SLC9A9: variants seen among roughly 807,000 people sequenced by gnomAD.
SLC9A9 encodes the protein solute carrier family 9 member A9.
In SLC9A9, 62 loss-of-function variants were observed where a neutral mutation model predicts 77.8. That is an observed-to-expected ratio of 0.80 (90% CI 0.65 to 0.98). The LOEUF is 0.98. Ranked by LOEUF, SLC9A9 falls within the 50% of genes least tolerant of loss-of-function variation. The probability of loss-of-function intolerance (pLI) is 0.00; values close to 1 mark genes in which losing one functional copy is unlikely to be tolerated. For missense variants in SLC9A9, 775 were observed against 774.9 expected (o/e 1.00, Z 0.00); for synonymous variants, 320 against 283.5 (o/e 1.13, Z -1.29).
chr3:143,276,461 T>G (rs1938051169), intron 14 of SLC9A9, among the ~76,000 whole-genome samples: 1 of 152,224 alleles, frequency 6.6e-6, no homozygotes, highest in Admixed American at 6.5e-5. Context: ...TGTTTCTATG[T>G]AGGGATTTGG....
At chr3:143,690,667 G>A (rs745736738) in intron 5 of SLC9A9, among the ~76,000 whole-genome samples, 20 of 152,090 alleles carry the variant, frequency 1.3e-4, no homozygotes, top group Non-Finnish European at 2.5e-4. Context: ...AGAATGAAAC[G>A]TATCATCTAT....
chr3:143,640,266 C>A (rs2038599833), intron 6 of SLC9A9, among the ~76,000 whole-genome samples: 1 of 152,066 alleles, frequency 6.6e-6, no homozygotes, highest in African/African-American at 2.4e-5. Context: ...TGTGATCCAC[C>A]CGCCTTGGCT....
chr3:143,781,889 G>A (rs575844879), intron 4 of SLC9A9, among the ~76,000 whole-genome samples: 1 of 152,266 alleles, frequency 6.6e-6, no homozygotes, highest in Admixed American at 6.5e-5. Flanking sequence ...ATAAAGCATC[G>A]CAGAGCTGTA....
intron 14 of SLC9A9, among the ~76,000 whole-genome samples, chr3:143,345,088 T>C (rs1335527700): frequency 6.6e-6 from 1 of 152,182 alleles, no homozygotes; most frequent in Non-Finnish European, 1.5e-5. Context: ...GGAAGATAAC[T>C]CCTGAGTTTG....
At chr3:143,374,218 G>A (rs1046031253) in intron 13 of SLC9A9, among the ~76,000 whole-genome samples, 3 of 152,036 alleles carry the variant, frequency 2.0e-5, no homozygotes, top group Non-Finnish European at 2.9e-5. Context: ...GAGGTCAGGA[G>A]ATCGAGACCA....
chr3:143,701,594 A>G (rs532682943), intron 4 of SLC9A9, among the ~76,000 whole-genome samples: 1 of 152,280 alleles, frequency 6.6e-6, no homozygotes, highest in South Asian at 2.1e-4. Flanking sequence ...AAGACAGGAT[A>G]TTTGAAAATA....
chr3:143,693,180 T>C lies in SLC9A9; in HGVS notation c.649+12A>G, dbSNP rs758251418. The C allele has an allele frequency of 2.5e-6, 4 of 1,583,954 alleles. No homozygotes were observed. Among genetic ancestry groups the C allele is most frequent in the Admixed American group, 3.3e-5 (2 of 59,790 alleles). On this transcript the variant is annotated intron_variant, in intron 5 of 15. Transcript: ENST00000316549. The stretch of plus-strand genomic sequence containing the variant: ...TTCTTAAAAGAAGAAAATATATTAT[T>C]TGAGCAATTACCTGGATCTGTAGCA...
chr3:143,506,097 G>A (rs1368899785), intron 9 of SLC9A9, among the ~76,000 whole-genome samples: 1 of 152,184 alleles, frequency 6.6e-6, no homozygotes, highest in African/African-American at 2.4e-5. Flanking sequence ...CCTTGACAGA[G>A]TACTTATCAT....
intron 5 of SLC9A9, among the ~76,000 whole-genome samples, chr3:143,668,205 A>G (rs1029472365): frequency 6.6e-6 from 1 of 151,834 alleles, no homozygotes; most frequent in Admixed American, 6.6e-5. Context: ...GCTGGAAACC[A>G]TCATTCTCAG....
In SLC9A9 at chr3:143,495,383, G is replaced by T; in HGVS notation, c.1155C>A (p.Phe385Leu). 6.2e-7 allele frequency: 1 copy of T among 1,614,102 alleles called. No individual in the cohort carries two copies. The highest frequency in any genetic ancestry group is 1.1e-5 in the South Asian group (1 of 91,050). ...VIFCYMGLAL[F>L]TFQNHIFNAL... ...CATTAAAGATATGATTCTGGAACGT[G>T]AACAGTGCCAGGCCCATGTAACAGA... Residue 385 changes from phenylalanine to leucine, a missense_variant, in exon 10 of 16, where the codon TTC (phenylalanine) becomes TTA (leucine). By Grantham distance (22) the Phe-to-Leu change is conservative. Transcript: ENST00000316549.
chr3:143,677,663 A>G (rs1000153832), intron 5 of SLC9A9, among the ~76,000 whole-genome samples: 4 of 152,186 alleles, frequency 2.6e-5, no homozygotes, highest in African/African-American at 9.6e-5. Context: ...CCTGCCAGCA[A>G]TGACTGTTAC....
chr3:143,617,306 G>A (rs929562392), intron 6 of SLC9A9, among the ~76,000 whole-genome samples: 3 of 152,170 alleles, frequency 2.0e-5, no homozygotes, highest in Non-Finnish European at 4.4e-5. Flanking sequence ...TTGACCTAGT[G>A]CATATGGCTG....
intron 15 of SLC9A9, among the ~76,000 whole-genome samples, chr3:143,268,101 A>G (rs6440157): frequency 0.41 from 63,040 of 152,038 alleles, 17,723 homozygotes; most frequent in African/African-American, 0.81. Context: ...CACCTGAGAT[A>G]AGTTTTTGCC....
chr3:143,330,438 T>C (rs542510030), intron 14 of SLC9A9, among the ~76,000 whole-genome samples: 2 of 152,318 alleles, frequency 1.3e-5, no homozygotes, highest in East Asian at 3.9e-4. Context: ...GTGGAATAAA[T>C]GGTGCTTTGA....
intron 4 of SLC9A9, among the ~76,000 whole-genome samples, chr3:143,793,671 G>A (rs1157803151): frequency 6.6e-6 from 1 of 152,228 alleles, no homozygotes; most frequent in African/African-American, 2.4e-5. Flanking sequence ...GAAGTTCTGA[G>A]TTCTGTTTTG....
intron 9 of SLC9A9, among the ~76,000 whole-genome samples, chr3:143,528,440 T>C (rs1388380572): frequency 6.6e-6 from 1 of 152,150 alleles, no homozygotes; most frequent in Non-Finnish European, 1.5e-5. Flanking sequence ...AATAAGAAAG[T>C]ACAGAAAGCA....
intron 2 of SLC9A9, among the ~76,000 whole-genome samples, chr3:143,831,337 G>T (rs2009429769): frequency 6.6e-6 from 1 of 152,164 alleles, no homozygotes; most frequent in Admixed American, 6.6e-5. Flanking sequence ...AACCTAACCT[G>T]ATTTCTGACC....
At chr3:143,710,792 C>G (rs1477958158) in intron 4 of SLC9A9, among the ~76,000 whole-genome samples, 1 of 152,150 alleles carries the variant, frequency 6.6e-6, no homozygotes, top group Non-Finnish European at 1.5e-5. Context: ...ATCTATCACT[C>G]CAGAAAATTT....
chr3:143,464,937 C>T (rs1576515823), intron 12 of SLC9A9, among the ~76,000 whole-genome samples: 1 of 152,186 alleles, frequency 6.6e-6, no homozygotes, highest in South Asian at 2.1e-4. Flanking sequence ...ATGATTGGGT[C>T]TCTGGTCTCT....
Sources: allele counts gnomAD v4.1 joint callset (sites outside exome capture counted in the v4.1 genomes callset), GRCh38; gene constraint gnomAD v4.1.1; transcripts MANE v1.5; gene names NCBI Gene and HGNC (gene_info 2026-07-23, HGNC 2026-07-21).